COL4A3: variants seen among roughly 807,000 people sequenced by gnomAD.
COL4A3 encodes collagen type IV alpha 3 chain.
A neutral mutation model predicts 217.4 loss-of-function variants in COL4A3; 135 were observed. The ratio of observed to expected loss-of-function variants is 0.62; its 90% CI spans 0.54 to 0.72. The LOEUF (loss-of-function observed/expected upper bound fraction) is 0.72. COL4A3 is among the 30% of genes least tolerant of loss of function. The probability of loss-of-function intolerance (pLI) is 0.00; values close to 1 mark genes in which losing one functional copy is unlikely to be tolerated. For missense variants in COL4A3, 1,868 were observed against 2,119.9 expected, an observed-to-expected ratio of 0.88 and a Z score of 2.33; for synonymous variants, 690 against 736.3, an observed-to-expected ratio of 0.94 and a Z score of 1.02.
In COL4A3 at chr2:227,310,787, A is replaced by G. The variant is rs1387013817; in HGVS notation, c.4767A>G (p.Ala1589=). Residue 1589 remains alanine (A), a synonymous_variant, in exon 51 of 52, where the codon GCA becomes GCG. Transcript: ENST00000396578. ...TAAAATTGTGGTAGTTCACAAGTGC[A>G]GGTTCTGAGGGCACCGGGCAAGCAC... ...KGFSFIMFTS[A]GSEGTGQALA... The G allele has an allele frequency of 3.7e-6, 6 of 1,613,930 alleles. No homozygotes were observed. The highest frequency in any genetic ancestry group is 4.2e-6 in the Non-Finnish European group (5 of 1,179,926).
chr2:227,247,499 GAGT>G (rs368679397), intron 7 of COL4A3, 56 bp from the exon 8 acceptor site: 1 of 1,533,598 alleles, frequency 6.5e-7, no homozygotes. Flanking sequence ...AGAGCAGACC[GAGT>G]AGGAGTGTGT....
intron 1 of COL4A3, among the ~76,000 whole-genome samples, chr2:227,229,460 C>T (rs1166632163): frequency 6.6e-6 from 1 of 152,206 alleles, no homozygotes; most frequent in African/African-American, 2.4e-5. Flanking sequence ...AGCAGTCTCT[C>T]ACCCTTGCTC....
At chr2:227,213,586 T>C (rs1260709314) in intron 1 of COL4A3, among the ~76,000 whole-genome samples, 1 of 152,128 alleles carries the variant, frequency 6.6e-6, no homozygotes, top group Non-Finnish European at 1.5e-5. Context: ...TATTCTTGTT[T>C]CCGCTTTTTA....
chr2:227,237,657 G>A (rs566469289), intron 1 of COL4A3: 8 of 276,708 alleles, frequency 2.9e-5, no homozygotes, highest in Admixed American at 9.5e-5. Context: ...TAAATTATTA[G>A]GTTGGTACAA....
chr2:227,300,742 T>C (rs2073246556), intron 43 of COL4A3, among the ~76,000 whole-genome samples: 1 of 152,098 alleles, frequency 6.6e-6, no homozygotes, highest in South Asian at 2.1e-4. Context: ...GTAGGAAGAA[T>C]GCAGGGGGCT....
chr2:227,172,759 G>T (rs1382759824), intron 1 of COL4A3, among the ~76,000 whole-genome samples: 1 of 151,704 alleles, frequency 6.6e-6, no homozygotes, highest in Non-Finnish European at 1.5e-5. Flanking sequence ...GCTAATTTTT[G>T]TATTTTTAGT....
At chr2:227,291,575 AAAAACAAAAAAAAAAAAC>A (rs1176306751) in intron 37 of COL4A3, among the ~76,000 whole-genome samples, 15,963 of 41,652 alleles carry the variant, frequency 0.38, 2,616 homozygotes, top group Non-Finnish European at 0.46. Context: ...AAAAAAAAAA[AAAAACAAAAAAAAAAAAC>A]AAAAAAAAAA....
intron 38 of COL4A3, chr2:227,293,673 C>T (rs1040765522): frequency 7.0e-5 from 34 of 483,240 alleles, no homozygotes; most frequent in Non-Finnish European, 1.3e-4. Context: ...GCTTAAACTA[C>T]ACTTGATGTT....
At position 227,294,960 on chromosome 2, in the gene COL4A3, T is replaced by C. The variant is rs778713428; in HGVS notation, c.3419-4T>C. On this transcript the variant is annotated splice_region_variant and splice_polypyrimidine_tract_variant and intron_variant, in intron 39 of 51. Transcript: ENST00000396578. ...GGTTTTTGGGTTTTTTTTTTTTTTT[T>C]CAGGTCTTCCAGGATTTCCAGGATC... 12 of 1,496,758 alleles carry C rather than the reference T, an allele frequency of 8.0e-6. No homozygotes were observed. Among genetic ancestry groups the C allele is most frequent in the South Asian group, 1.1e-5 (1 of 88,318 alleles). 92.7% of individuals were successfully genotyped at this position (1,496,758 alleles called of 1,614,324 possible). A position where few individuals can be genotyped will look rare whatever the true frequency, so the allele number is the denominator to read the frequency against.
intron 1 of COL4A3, among the ~76,000 whole-genome samples, chr2:227,168,811 TC>T (rs1469633116): frequency 6.6e-6 from 1 of 152,188 alleles, no homozygotes; most frequent in Non-Finnish European, 1.5e-5. Flanking sequence ...TCTACTTTTA[TC>T]TTTTTCCATG....
At chr2:227,192,899 A>G (rs1248421065) in intron 1 of COL4A3, among the ~76,000 whole-genome samples, 1 of 152,234 alleles carries the variant, frequency 6.6e-6, no homozygotes, top group Non-Finnish European at 1.5e-5. Flanking sequence ...AAAATATAAG[A>G]ATAAAAAATT....
intron 1 of COL4A3, among the ~76,000 whole-genome samples, chr2:227,227,221 A>G (rs1308580242): frequency 1.3e-5 from 2 of 152,188 alleles, no homozygotes; most frequent in Non-Finnish European, 2.9e-5. Flanking sequence ...ACGTCCCATC[A>G]TGAGGGGCAC....
At chr2:227,227,770 T>C (rs1023321983) in intron 1 of COL4A3, 1 of 152,128 alleles carries the variant, frequency 6.6e-6, no homozygotes, top group Non-Finnish European at 1.5e-5. Context: ...CAAAACATAC[T>C]GAGATCATTA....
At chr2:227,274,585 G>A (rs1397763379) in intron 26 of COL4A3, among the ~76,000 whole-genome samples, 3 of 149,824 alleles carry the variant, frequency 2.0e-5, no homozygotes, top group Non-Finnish European at 3.0e-5. Flanking sequence ...TGCAACCTCC[G>A]CCTCCCAAAT....
At position 227,272,922 on chromosome 2, in the gene COL4A3, G is replaced by A. The variant is rs201895693; in HGVS notation, c.1759-27G>A. On this transcript the variant is annotated intron_variant, in intron 25 of 51. Coordinates refer to ENST00000396578, the MANE Select transcript of COL4A3 (RefSeq NM_000091.5). ...GTAAGAATATACTGGAATGAAGCAC[G>A]ATTCAAACACATTCCTGTTGTCACA... 4.1e-5 allele frequency: 66 copies of A among 1,612,698 alleles called. No homozygotes were observed. In the Admixed American group the frequency reaches 6.5e-4, roughly 16 times the overall value.
rs903311265 is a variant in COL4A3 at position 227,253,025 on chromosome 2, C to T, written c.646-271C>T. 1.3e-5 allele frequency among the ~76,000 whole-genome samples: 2 copies of T among 152,172 alleles called. No homozygotes were observed. The highest frequency in any genetic ancestry group is 4.8e-5 in the African/African-American group (2 of 41,428). On this transcript the variant is annotated intron_variant, in intron 11 of 51. Transcript: ENST00000396578. This position sits in a 1 kb window ranked among gnomAD's most constrained non-coding sequence, Gnocchi z 4.4. ...GCTAATGCAGAGCCAGAAAAATATG[C>T]TCTGAGCTGGGCTCCTTTCCCTCCC...
At chr2:227,279,260 T>C (rs2071789077) in intron 28 of COL4A3, among the ~76,000 whole-genome samples, 1 of 151,066 alleles carries the variant, frequency 6.6e-6, no homozygotes, top group Admixed American at 6.6e-5. Context: ...TTTGTTGTTG[T>C]TTTTTTTGTT....
rs1231320624 is a variant in COL4A3, at chr2:227,213,909, AAAAAAAAAAAG to A, written c.88-24053_88-24043del. On this transcript the variant is annotated intron_variant, in intron 1 of 51. Transcript: ENST00000396578. ...AGAGCAAAACTCTGTCTCAAAAAAA[AAAAAAAAAAAG>A]AAAAAGAAAAAGAAAAAACACCGTA... Among the ~76,000 whole-genome samples the A allele has an allele frequency of 7.9e-5, 12 of 151,114 alleles. No individual in the cohort carries two copies. In the South Asian group the frequency reaches 2.5e-3, roughly 32 times the overall value.
intron 1 of COL4A3, among the ~76,000 whole-genome samples, chr2:227,165,787 AGGTTCT>A (rs1395523302): frequency 4.3e-4 from 66 of 152,332 alleles, no homozygotes; most frequent in African/African-American, 1.6e-3. Flanking sequence ...GGTCACATAT[AGGTTCT>A]ATATGTTTTT....
Sources: allele counts gnomAD v4.1 joint callset (sites outside exome capture counted in the v4.1 genomes callset), GRCh38; gene constraint gnomAD v4.1.1; non-coding constraint Gnocchi (gnomAD v3.1); transcripts MANE v1.5; gene names NCBI Gene and HGNC (gene_info 2026-07-23, HGNC 2026-07-21).